The following ITGA7 variants were observed in gnomAD, a reference collection of about 807,000 sequenced individuals.
The protein encoded by ITGA7 is integrin alpha-7.
In ITGA7, 84 loss-of-function variants were observed where a neutral mutation model predicts 131.6. That is an observed-to-expected ratio of 0.64 (90% CI 0.54 to 0.77). The LOEUF (loss-of-function observed/expected upper bound fraction) is 0.77, where lower values mean the gene tolerates loss of function less well. ITGA7 is among the 30% of genes least tolerant of loss of function. The pLI is 0.00. For missense variants in ITGA7, 1,399 were observed against 1,482.9 expected (o/e 0.94, Z 0.93); for synonymous variants, 548 against 600.7 (o/e 0.91, Z 1.28).
chr12:55,709,664 G>T (rs1043296515), upstream of ITGA7, among the ~76,000 whole-genome samples: 5 of 152,008 alleles, frequency 3.3e-5, no homozygotes, highest in African/African-American at 4.8e-5. Context: ...TGGGACTACT[G>T]ACTCCCTGCC....
At chr12:55,702,828 C>A (rs1230012271) in intron 3 of ITGA7, 44 bp downstream of exon 3, 1 of 1,536,396 alleles carries the variant, frequency 6.5e-7, no homozygotes, top group South Asian at 1.1e-5. Context: ...CACACACACA[C>A]ACACACCCCA....
chr12:55,710,798 G>A (rs532213011), upstream of ITGA7, among the ~76,000 whole-genome samples: 2 of 151,740 alleles, frequency 1.3e-5, no homozygotes, highest in African/African-American at 2.4e-5. Flanking sequence ...TATTCCACTC[G>A]CATACCATTC....
rs1565605622 is a variant in ITGA7 at position 55,684,877 on chromosome 12, CTCT to C, written c.*178_*180del. 2 of 605,906 alleles carry C rather than the reference CTCT, an allele frequency of 3.3e-6. No individual in the cohort carries two copies. The highest frequency in any genetic ancestry group is 3.7e-5 in the African/African-American group (2 of 53,988). The allele number at this position is 605,906 out of a possible 1,614,324, so 37.5% of individuals were successfully genotyped here. Reference sequence around the variant, plus strand: ...ATTTACCCACTCTCATCTCACAGCACTCTAAGGGGAAGTTGGGTGGGAGGAGTT... The same window carrying C: ...ATTTACCCACTCTCATCTCACAGCACAAGGGGAAGTTGGGTGGGAGGAGTT... On this transcript the variant is annotated 3_prime_UTR_variant, in exon 25 of 25. Transcript: ENST00000257879.
rs1356595630 is a variant in ITGA7 at position 55,697,919 on chromosome 12, T to A, written c.1281+19A>T. The stretch of plus-strand genomic sequence containing the variant: ...GATTCCACCCACACCCATTCCCTCA[T>A]CCCAGCGACTCCCCTCACCTGTGAA... On this transcript the variant is annotated intron_variant, in intron 8 of 24. Coordinates refer to ENST00000257879, the MANE Select transcript of ITGA7 (RefSeq NM_002206.3). The A allele has an allele frequency of 8.1e-6, 13 of 1,613,770 alleles. No homozygotes were observed. The highest frequency in any genetic ancestry group is 2.7e-5 in the African/African-American group (2 of 74,834).
In ITGA7 at chr12:55,688,138, A is replaced by G. The variant is rs139731301; in HGVS notation, c.3058-42T>C. 5,476 of 1,614,134 alleles carry G rather than the reference A, an allele frequency of 3.4e-3. 7 individuals carry two copies. The highest frequency in any genetic ancestry group is 5.1e-3 in the Admixed American group (307 of 60,022). On this transcript the variant is annotated intron_variant, in intron 23 of 24. Transcript: ENST00000257879. ...CAATGGAGCAAGAGGTCAATGGAAC[A>G]AGAACTGGAGGGAGCAGGAAAGAAG... is the stretch of plus-strand genomic sequence containing the variant.
intron 3 of ITGA7, among the ~76,000 whole-genome samples, chr12:55,702,573 C>T (rs567318108): frequency 1.8e-4 from 28 of 152,254 alleles, no homozygotes; most frequent in African/African-American, 6.0e-4. Flanking sequence ...CCTCGGCCTC[C>T]GAAAGTGCTG....
intron 1 of ITGA7, among the ~76,000 whole-genome samples, 173 bp downstream of exon 1, chr12:55,707,304 A>T (rs1299668680): frequency 2.0e-5 from 3 of 152,156 alleles, no homozygotes; most frequent in African/African-American, 7.2e-5. Flanking sequence ...CGGGAAGTGC[A>T]GCTTCAGACG....
chr12:55,705,389 AG>A (rs1874962871), intron 1 of ITGA7, among the ~76,000 whole-genome samples: 2 of 151,050 alleles, frequency 1.3e-5, no homozygotes, highest in Non-Finnish European at 2.9e-5. Flanking sequence ...AAAAAAAAAA[AG>A]TGTTGGCAGC....
rs944700833 is a variant in ITGA7, at chr12:55,698,441, G to A, written c.1134C>T (p.Asp378=). Residue 378 remains aspartate (D), a synonymous_variant, in exon 7 of 25, where the codon GAC becomes GAT. Transcript: ENST00000257879. ...ISPLRLCGSP[D]SMFGISLAVL... is the part of the protein sequence containing the mutation. Reference sequence around the variant, plus strand: ...CAGCCAGGCTGATCCCGAACATGGAGTCAGGGGAGCCGCAGAGCCGGAGAG... The same window carrying A: ...CAGCCAGGCTGATCCCGAACATGGAATCAGGGGAGCCGCAGAGCCGGAGAG... The A allele has an allele frequency of 5.6e-6, 9 of 1,613,634 alleles. No individual in the cohort carries two copies. Among genetic ancestry groups the A allele is most frequent in the African/African-American group, 1.3e-5 (1 of 74,884 alleles).
At chr12:55,695,116 C>A in intron 14 of ITGA7, 146 bp from the exon 15 acceptor site, 1 of 766,196 alleles carries the variant, frequency 1.3e-6, no homozygotes, top group South Asian at 1.7e-5. Context: ...AAGCCTCAGG[C>A]CTCTGTACAC....
At chr12:55,699,495 A>G in intron 5 of ITGA7, 1 of 322,838 alleles carries the variant, frequency 3.1e-6, no homozygotes, top group Non-Finnish European at 6.0e-6. Context: ...CAGATGAGAC[A>G]ACGAGAGGGA....
At chr12:55,687,628 C>A (rs1870512955) in intron 24 of ITGA7, among the ~76,000 whole-genome samples, 1 of 151,200 alleles carries the variant, frequency 6.6e-6, no homozygotes, top group Non-Finnish European at 1.5e-5. Context: ...GTAGCTGGAT[C>A]TACAGGTGCG....
intron 1 of ITGA7, among the ~76,000 whole-genome samples, chr12:55,705,985 G>C (rs1875100021): frequency 6.6e-6 from 1 of 152,104 alleles, no homozygotes; most frequent in Non-Finnish European, 1.5e-5. Context: ...CCCAGCAGCA[G>C]AGCACCCCCT....
At chr12:55,713,320 G>C (rs1314919353), upstream of ITGA7, among the ~76,000 whole-genome samples, 1 of 152,126 alleles carries the variant, frequency 6.6e-6, no homozygotes, top group Non-Finnish European at 1.5e-5. Context: ...CCCCTGCCAG[G>C]ATTCTCTACA....
chr12:55,696,354 C>T lies in ITGA7; in HGVS notation c.1816G>A (p.Ala606Thr), dbSNP rs753283257. 2 of 1,589,866 alleles carry T rather than the reference C, an allele frequency of 1.3e-6. No individual in the cohort carries two copies. Among genetic ancestry groups the T allele is most frequent in the East Asian group, 2.3e-5 (1 of 44,088 alleles). The change falls in exon 13 of 25, where the codon GCT becomes ACT. Residue 606 changes from alanine to threonine, a missense_variant. Transcript: ENST00000257879. ...SLQTPRLRRQ[A>T]PGQGLPPVAP... ...ACTGGAGGCAGCCCCTGGCCAGGAG[C>T]CTGTCGCCGGAGCCGAGGGGTCTGG...
intron 4 of ITGA7, chr12:55,700,457 T>C: frequency 1.3e-6 from 2 of 1,543,922 alleles, no homozygotes; most frequent in Admixed American, 4.3e-5. Flanking sequence ...GGCCGGACAC[T>C]GAGTTAGACA....
intron 24 of ITGA7, chr12:55,686,321 T>C (rs1870132611): frequency 2.3e-6 from 3 of 1,324,054 alleles, no homozygotes; most frequent in Non-Finnish European, 2.0e-6. Flanking sequence ...CACACTAGGA[T>C]GTCGAGGGAG....
upstream of ITGA7, chr12:55,715,849 A>T: frequency 1.1e-5 from 7 of 620,046 alleles, no homozygotes; most frequent in Non-Finnish European, 1.8e-5. Flanking sequence ...TCGAAGCCTG[A>T]GATCCACAGG....
chr12:55,701,524 G>T, intron 3 of ITGA7: 1 of 1,029,502 alleles, frequency 9.7e-7, no homozygotes, highest in Non-Finnish European at 1.5e-6. Flanking sequence ...CTGGACCTTT[G>T]TAAGTGTCAC....
Sources: gnomAD v4.1 joint callset for allele counts (sites outside exome capture counted in the v4.1 genomes callset) on GRCh38, gnomAD v4.1.1 for gene constraint, MANE v1.5 for transcripts, NCBI Gene and HGNC (gene_info 2026-07-23, HGNC 2026-07-21) for gene names.